WNK1: variants seen among roughly 807,000 people sequenced by gnomAD.
WNK1 encodes serine/threonine-protein kinase WNK1.
Under a neutral mutation model 222.8 loss-of-function variants are expected in WNK1, and 38 were observed. The ratio of observed to expected loss-of-function variants is 0.17; its 90% CI spans 0.13 to 0.22. WNK1 has a LOEUF of 0.22. WNK1 is among the 10% of genes least tolerant of loss of function. WNK1 has a pLI of 1.00. For missense variants in WNK1, 2,348 were observed against 2,918.4 expected, an observed-to-expected ratio of 0.80 and a Z score of 4.50; for synonymous variants, 1,090 against 1,092.9, an observed-to-expected ratio of 1.00 and a Z score of 0.05.
intron 8 of WNK1, among the ~76,000 whole-genome samples, chr12:867,197 C>G (rs1324997909): frequency 6.6e-6 from 1 of 152,170 alleles, no homozygotes; most frequent in Admixed American, 6.5e-5. Flanking sequence ...TGTGATTTAA[C>G]TCTGTAACAT....
At chr12:776,676 C>T (rs1016766878) in intron 1 of WNK1, among the ~76,000 whole-genome samples, 1 of 150,928 alleles carries the variant, frequency 6.6e-6, no homozygotes, top group Admixed American at 6.6e-5. Flanking sequence ...GTGATCTGCC[C>T]GCCTTGGCCT....
intron 1 of WNK1, among the ~76,000 whole-genome samples, chr12:781,851 T>C (rs1236234956): frequency 6.6e-6 from 1 of 152,122 alleles, no homozygotes; most frequent in Admixed American, 6.6e-5. Flanking sequence ...AAATTCCCAG[T>C]CTTCTCTAGT....
At chr12:865,161 C>T (rs72649821) in intron 8 of WNK1, 1 of 1,529,722 alleles carries the variant, frequency 6.5e-7, no homozygotes, top group Non-Finnish European at 8.7e-7. Flanking sequence ...TCTGCTGTTG[C>T]CTCTGTGTCC....
intron 8 of WNK1, chr12:868,208 T>G (rs747594413): frequency 6.2e-7 from 1 of 1,612,800 alleles, no homozygotes; most frequent in African/African-American, 1.3e-5. Context: ...ATCTCAAGTT[T>G]ACAGTGACTA....
At chr12:869,650 G>T (rs72649862) in intron 8 of WNK1, among the ~76,000 whole-genome samples, 1,569 of 152,078 alleles carry the variant, frequency 0.01, 15 homozygotes, top group Middle Eastern at 0.034. Flanking sequence ...AGATAGAAAA[G>T]GAAACAGTTT....
intron 1 of WNK1, among the ~76,000 whole-genome samples, chr12:800,047 G>T (rs1469108746): frequency 6.6e-6 from 1 of 152,192 alleles, no homozygotes; most frequent in Non-Finnish European, 1.5e-5. Flanking sequence ...GGGAGGCTGA[G>T]ACGGTAGGAT....
In WNK1 at chr12:862,070, A is replaced by G. The variant is rs1253853548; in HGVS notation, c.1952-13A>G. On this transcript the variant is annotated splice_polypyrimidine_tract_variant and intron_variant, in intron 7 of 27. Coordinates refer to ENST00000315939, the MANE Select transcript of WNK1 (RefSeq NM_018979.4). The stretch of plus-strand genomic sequence containing the variant: ...CTCTCTCTCTTTTTTTTGGCGATTC[A>G]TTTTTCCTTCAGCTGATGGGACGGT... 1.9e-6 allele frequency: 3 copies of G among 1,613,390 alleles called. No homozygotes were observed. The highest frequency in any genetic ancestry group is 1.7e-4 in the Middle Eastern group (1 of 5,964).
intron 4 of WNK1, among the ~76,000 whole-genome samples, chr12:842,601 T>A (rs1217815101): frequency 6.6e-6 from 1 of 152,210 alleles, no homozygotes; most frequent in East Asian, 1.9e-4. Context: ...TTTCCCTTGG[T>A]GTAGTCCGTA....
intron 1 of WNK1, among the ~76,000 whole-genome samples, chr12:770,777 C>T (rs1016206843): frequency 2.0e-5 from 3 of 152,126 alleles, no homozygotes; most frequent in Non-Finnish European, 4.4e-5. Context: ...GAATCCTCAT[C>T]CTTTAAAATA....
At chr12:851,563 T>C (rs1199921646) in intron 4 of WNK1, 1 of 1,184,988 alleles carries the variant, frequency 8.4e-7, no homozygotes, top group African/African-American at 1.6e-5. Context: ...GAAGCATGGC[T>C]AGTGTTAAAC....
intron 1 of WNK1, among the ~76,000 whole-genome samples, chr12:802,881 A>G (rs1946019774): frequency 6.6e-6 from 1 of 152,224 alleles, no homozygotes; most frequent in Admixed American, 6.5e-5. Flanking sequence ...GCCACAAATA[A>G]ATGTAGTCAG....
chr12:771,655 G>A (rs899875128), intron 1 of WNK1, among the ~76,000 whole-genome samples: 13 of 151,492 alleles, frequency 8.6e-5, no homozygotes, highest in African/African-American at 2.4e-4. Flanking sequence ...GGTTGATCTC[G>A]AACTCCTGAC....
At chr12:876,409 A>C (rs1298019192) in intron 9 of WNK1, among the ~76,000 whole-genome samples, 1 of 151,500 alleles carries the variant, frequency 6.6e-6, no homozygotes, top group Non-Finnish European at 1.5e-5. Context: ...ACTCCGTGTC[A>C]AAAAAAAAGA....
At position 753,462 on chromosome 12, in the gene WNK1, G is replaced by A. The variant is rs1939488348; in HGVS notation, c.-104G>A. 3.3e-6 allele frequency: 5 copies of A among 1,516,896 alleles called. No homozygotes were observed. The highest frequency in any genetic ancestry group is 4.5e-6 in the Non-Finnish European group (5 of 1,118,930). 94.0% of individuals were successfully genotyped at this position (1,516,896 alleles called of 1,614,324 possible). On this transcript the variant is annotated 5_prime_UTR_variant, in exon 1 of 28. Transcript: ENST00000315939. The surrounding 1 kb of genome is among the most constrained non-coding windows in gnomAD (Gnocchi z 5.2). ...GCGTCGTCCGGGTCGGCGCGAACCC[G>A]CCCGGCCGCGGTTCCCTGCAGACCT... is the stretch of plus-strand genomic sequence containing the variant.
At chr12:863,478 T>C (rs1168671553) in intron 8 of WNK1, among the ~76,000 whole-genome samples, 1 of 152,178 alleles carries the variant, frequency 6.6e-6, no homozygotes, top group Non-Finnish European at 1.5e-5. Flanking sequence ...TGACAAATAT[T>C]ACTTGTCAGC....
intron 1 of WNK1, among the ~76,000 whole-genome samples, chr12:810,221 T>C (rs1248032449): frequency 6.6e-6 from 1 of 151,564 alleles, no homozygotes; most frequent in Non-Finnish European, 1.5e-5. Flanking sequence ...CACTCCAGCC[T>C]GTGCGACAGA....
chr12:884,689 T>G lies in WNK1; in HGVS notation c.3885T>G (p.Ser1295=), dbSNP rs746484927. Residue 1295 remains serine (S), a synonymous_variant, in exon 19 of 28, where the codon TCT becomes TCG. Transcript: ENST00000315939. This position sits in a 1 kb window ranked among gnomAD's most constrained non-coding sequence, Gnocchi z 5.6. ...STAQSPGMNL[S]HSASSLSLQQ... ...CTCAGAGCCCTGGAATGAACTTGTCTCACTCTGCATCATCCCTTAGTCTAC... is the reference window on the plus strand; with the variant it reads ...CTCAGAGCCCTGGAATGAACTTGTCGCACTCTGCATCATCCCTTAGTCTAC... 10 of 1,614,096 alleles carry G rather than the reference T, an allele frequency of 6.2e-6. No individual in the cohort carries two copies. In the Admixed American group the frequency reaches 6.7e-5, roughly 11 times the overall value.
chr12:869,833 A>C (rs896752516), intron 8 of WNK1, among the ~76,000 whole-genome samples: 7 of 151,700 alleles, frequency 4.6e-5, no homozygotes, highest in Non-Finnish European at 1.0e-4. Flanking sequence ...TTGTTATAAG[A>C]ATTTGTGATA....
At chr12:888,620 ACCT>A (rs1953902835) in intron 20 of WNK1, among the ~76,000 whole-genome samples, 2 of 152,192 alleles carry the variant, frequency 1.3e-5, no homozygotes, top group Admixed American at 1.3e-4. Flanking sequence ...GAATACCCAG[ACCT>A]CCTTGCCACC....
Sources: gnomAD v4.1 joint callset for allele counts (sites outside exome capture counted in the v4.1 genomes callset) on GRCh38, gnomAD v4.1.1 for gene constraint, Gnocchi (gnomAD v3.1) non-coding constraint, MANE v1.5 for transcripts, NCBI Gene and HGNC (gene_info 2026-07-23, HGNC 2026-07-21) for gene names.